The following LINGO2 variants were observed in gnomAD, a reference collection of about 807,000 sequenced individuals.
LINGO2 encodes the protein leucine rich repeat and Ig domain containing 2.
In LINGO2, 14 loss-of-function variants were observed where a neutral mutation model predicts 30.6. The observed-to-expected ratio is 0.46, with a 90% CI of 0.30 to 0.72. The LOEUF is 0.72. LINGO2 is among the 30% of genes least tolerant of loss of function. The probability of loss-of-function intolerance (pLI) is 0.07; values close to 1 mark genes in which losing one functional copy is unlikely to be tolerated. For synonymous variants in LINGO2, 317 were observed against 288.5 expected, an observed-to-expected ratio of 1.10 and a Z score of -1.00; for missense variants, 729 against 751.7, an observed-to-expected ratio of 0.97 and a Z score of 0.35.
intron 1 of LINGO2, among the ~76,000 whole-genome samples, chr9:28,603,793 A>G (rs1563857463): frequency 6.6e-6 from 1 of 152,028 alleles, no homozygotes; most frequent in African/African-American, 2.4e-5. Context: ...ATTCTTTGGC[A>G]TAGTTCCTAG....
intron 5 of LINGO2, among the ~76,000 whole-genome samples, chr9:28,007,294 C>A (rs1366462293): frequency 1.3e-5 from 2 of 151,932 alleles, no homozygotes; most frequent in African/African-American, 4.8e-5. Flanking sequence ...TAACAGACAC[C>A]CTGGAGAGTC....
At chr9:28,375,130 ACACATACAC>A (rs769246418) in intron 2 of LINGO2, among the ~76,000 whole-genome samples, 1,473 of 113,668 alleles carry the variant, frequency 0.013, 10 homozygotes, top group Middle Eastern at 0.019. Flanking sequence ...ACACACACAC[ACACATACAC>A]CCCACACTAA....
the LINGO2 span, among the ~76,000 whole-genome samples, chr9:28,825,312 T>G: frequency 6.6e-6 from 1 of 151,784 alleles, no homozygotes; most frequent in East Asian, 1.9e-4. Context: ...GAACTAATAG[T>G]AGAGAAGAAA....
intron 4 of LINGO2, among the ~76,000 whole-genome samples, chr9:28,252,995 G>T (rs2134016414): frequency 6.6e-6 from 1 of 151,906 alleles, no homozygotes; most frequent in South Asian, 2.1e-4. Flanking sequence ...GGTTTTGTAA[G>T]CTATCTAAGT....
chr9:28,550,617 T>C (rs1488002824), intron 1 of LINGO2, among the ~76,000 whole-genome samples: 2 of 151,872 alleles, frequency 1.3e-5, no homozygotes, highest in African/African-American at 2.4e-5. Context: ...GTAATTTGTT[T>C]CTTCTTGGGC....
At chr9:28,000,979 A>C (rs1371241648) in intron 5 of LINGO2, among the ~76,000 whole-genome samples, 1 of 152,202 alleles carries the variant, frequency 6.6e-6, no homozygotes, top group African/African-American at 2.4e-5. Flanking sequence ...ACAATTCCAA[A>C]TTACTTTTAC....
chr9:29,099,766 T>A, the LINGO2 span, among the ~76,000 whole-genome samples: 1 of 152,174 alleles, frequency 6.6e-6, no homozygotes, highest in East Asian at 1.9e-4. Flanking sequence ...AAAGGCAACA[T>A]CATAAATTGT....
intron 5 of LINGO2, among the ~76,000 whole-genome samples, chr9:27,970,498 C>T (rs1029661064): frequency 7.2e-6 from 1 of 138,552 alleles, no homozygotes; most frequent in South Asian, 2.1e-4. Context: ...GATTTTCCTG[C>T]CTTTTGGGGG....
chr9:28,647,205 G>A (rs142071014), intron 1 of LINGO2, among the ~76,000 whole-genome samples: 13 of 152,168 alleles, frequency 8.5e-5, no homozygotes, highest in South Asian at 4.1e-4. Context: ...ATATGGGAAC[G>A]CTTGGTTGCC....
At chr9:28,022,867 T>TG (rs1823199990) in intron 4 of LINGO2, among the ~76,000 whole-genome samples, 1 of 150,334 alleles carries the variant, frequency 6.7e-6, no homozygotes, top group Admixed American at 6.6e-5. Flanking sequence ...CTCTGCTGAT[T>TG]TTTTGTTTTG....
chr9:28,403,307 G>A (rs1221966652), intron 2 of LINGO2, among the ~76,000 whole-genome samples: 1 of 152,156 alleles, frequency 6.6e-6, no homozygotes, highest in African/African-American at 2.4e-5. Flanking sequence ...AATCTTTGGA[G>A]TATTTATTCC....
intron 3 of LINGO2, among the ~76,000 whole-genome samples, chr9:28,297,589 G>C (rs1823970020): frequency 6.6e-6 from 1 of 152,166 alleles, no homozygotes; most frequent in Admixed American, 6.5e-5. Context: ...TGTGACCAGA[G>C]CTGGGAAATT....
chr9:28,304,261 TAA>T (rs1365809941), intron 3 of LINGO2, among the ~76,000 whole-genome samples: 1 of 150,276 alleles, frequency 6.7e-6, no homozygotes, highest in Non-Finnish European at 1.5e-5. Context: ...TATATATATA[TAA>T]AATGTATAAT....
exon 6 of LINGO2, chr9:27,948,766 C>T: frequency 2.1e-6 from 3 of 1,454,838 alleles, no homozygotes; most frequent in South Asian, 2.7e-5. Flanking sequence ...CACATGGCTG[C>T]CTCTTAATCT....
At chr9:29,163,562 C>CA in the LINGO2 span, among the ~76,000 whole-genome samples, 2 of 152,082 alleles carry the variant, frequency 1.3e-5, no homozygotes, top group African/African-American at 4.8e-5. Flanking sequence ...AGGAAAGCTT[C>CA]AAAAAAATGA....
chr9:28,756,735 A>G, the LINGO2 span, among the ~76,000 whole-genome samples: 2 of 151,906 alleles, frequency 1.3e-5, no homozygotes, highest in South Asian at 2.1e-4. Context: ...GTGTTGTTTG[A>G]CAGTTCCCCC....
chr9:27,989,463 G>A (rs895047792), intron 5 of LINGO2, among the ~76,000 whole-genome samples: 9 of 151,788 alleles, frequency 5.9e-5, no homozygotes, highest in Middle Eastern at 6.8e-3. Context: ...GTGTGTGTGT[G>A]TGTGTGTGTG....
intron 4 of LINGO2, among the ~76,000 whole-genome samples, chr9:28,061,967 A>G (rs979742589): frequency 1.3e-5 from 2 of 152,152 alleles, no homozygotes; most frequent in African/African-American, 4.8e-5. Flanking sequence ...ACCAATAATG[A>G]TGAAATATAT....
At chr9:28,365,132 GA>G (rs1006982808) in intron 3 of LINGO2, among the ~76,000 whole-genome samples, 14 of 152,316 alleles carry the variant, frequency 9.2e-5, no homozygotes, top group African/African-American at 3.4e-4. Context: ...AGGTTTTACA[GA>G]GGAGGGAGAG....
Sources: allele counts gnomAD v4.1 joint callset (sites outside exome capture counted in the v4.1 genomes callset), GRCh38; gene constraint gnomAD v4.1.1; transcripts MANE v1.5; gene names NCBI Gene and HGNC (gene_info 2026-07-23, HGNC 2026-07-21).